Variants in FTO observed in about 807,000 individuals in gnomAD.
FTO encodes alpha-ketoglutarate-dependent dioxygenase FTO.
FTO carries 47 observed loss-of-function variants against 63.9 expected under a neutral mutation model. That is an observed-to-expected ratio of 0.74 (90% CI 0.58 to 0.94). FTO has a LOEUF of 0.94. FTO is among the 40% of genes least tolerant of loss of function. The pLI, the probability that FTO is intolerant of heterozygous loss-of-function variation, is 0.00. For missense variants in FTO, 562 were observed against 618.1 expected, an observed-to-expected ratio of 0.91 and a Z score of 0.96; for synonymous variants, 207 against 224.4, an observed-to-expected ratio of 0.92 and a Z score of 0.69.
intron 8 of FTO, among the ~76,000 whole-genome samples, chr16:53,972,215 A>G (rs2083339405): frequency 6.6e-6 from 1 of 152,076 alleles, no homozygotes; most frequent in Admixed American, 6.6e-5. Context: ...CCTGTTAGAC[A>G]ATATTATTAT....
intron 8 of FTO, among the ~76,000 whole-genome samples, chr16:54,013,187 C>T (rs953351545): frequency 5.9e-5 from 9 of 152,122 alleles, no homozygotes; most frequent in East Asian, 3.9e-4. Flanking sequence ...CCAACCCTCA[C>T]GGATGACTTT....
Position 53,940,980 on chromosome 16 carries a change from A to C in FTO, c.1364+6871A>C, listed in dbSNP as rs1375722475. ...CTGGTTGTTGGAACCTAGAATGTGT[A>C]ATGAATAGGATTTACTATTCCAAGT... On this transcript the variant is annotated intron_variant, in intron 8 of 8. Transcript: ENST00000471389. Among the ~76,000 whole-genome samples the C allele has an allele frequency of 2.0e-5, 3 of 152,204 alleles. No homozygotes were observed. The East Asian group carries it at 5.8e-4, about 29-fold the overall frequency.
At chr16:53,763,853 G>A (rs1169950068) in intron 1 of FTO, among the ~76,000 whole-genome samples, 1 of 152,172 alleles carries the variant, frequency 6.6e-6, no homozygotes, top group African/African-American at 2.4e-5. Flanking sequence ...ATTTGTGAAA[G>A]GGTGTACCCA....
At chr16:53,713,957 T>G (rs1304713065) in intron 1 of FTO, among the ~76,000 whole-genome samples, 2 of 152,206 alleles carry the variant, frequency 1.3e-5, no homozygotes, top group Admixed American at 1.3e-4. Flanking sequence ...CATTTTTGTT[T>G]TTGCTATAAG....
intron 5 of FTO, among the ~76,000 whole-genome samples, chr16:53,878,806 A>G (rs1391232179): frequency 1.3e-5 from 2 of 152,168 alleles, no homozygotes; most frequent in Non-Finnish European, 2.9e-5. Flanking sequence ...GCTCCCACGG[A>G]CTCAGAGAGG....
At chr16:53,973,950 T>C (rs1421472071) in intron 8 of FTO, among the ~76,000 whole-genome samples, 1 of 152,180 alleles carries the variant, frequency 6.6e-6, no homozygotes. Flanking sequence ...AATGATAAGC[T>C]CTAGCCAATG....
intron 8 of FTO, among the ~76,000 whole-genome samples, chr16:54,066,921 T>G (rs2085745733): frequency 6.6e-6 from 1 of 152,238 alleles, no homozygotes; most frequent in Non-Finnish European, 1.5e-5. Context: ...TTTGCAAAGG[T>G]CAGGCTTTAA....
intron 8 of FTO, among the ~76,000 whole-genome samples, chr16:53,979,041 G>T (rs942135782): frequency 6.6e-6 from 1 of 151,838 alleles, no homozygotes; most frequent in Admixed American, 6.6e-5. Context: ...CCACCCAGAA[G>T]GTTAACATTT....
rs559953505 is a variant in FTO, at chr16:53,719,111, G to A, written c.45+14882G>A. On this transcript the variant is annotated intron_variant, in intron 1 of 8. Transcript: ENST00000471389. ...TTTGTGCTTTCTTTTGTCAAATTTG[G>A]TATCGTATTATGCTAGTATCATAAA... Among the ~76,000 whole-genome samples, 1,016 of 152,198 alleles carry A rather than the reference G, an allele frequency of 6.7e-3. 4 individuals are homozygous for A. The highest frequency in any genetic ancestry group is 0.031 in the Middle Eastern group (9 of 294).
chr16:54,004,223 C>G (rs759397728), intron 8 of FTO, among the ~76,000 whole-genome samples: 3 of 151,780 alleles, frequency 2.0e-5, no homozygotes, highest in African/African-American at 7.3e-5. Flanking sequence ...GGGAAAAGAC[C>G]GTATTATGAA....
intron 8 of FTO, among the ~76,000 whole-genome samples, chr16:54,068,514 C>T (rs562403124): frequency 6.6e-6 from 1 of 152,094 alleles, no homozygotes; most frequent in Non-Finnish European, 1.5e-5. Flanking sequence ...TTCACATGTC[C>T]CCATGGCTGA....
rs376526280 is a variant in FTO at position 53,933,495 on chromosome 16, T to C, written c.1240-490T>C. Among the ~76,000 whole-genome samples, 116 of 152,154 alleles carry C rather than the reference T, an allele frequency of 7.6e-4. 1 individual carries two copies. Among genetic ancestry groups the C allele is most frequent in the African/African-American group, 2.5e-3 (104 of 41,492 alleles). ...AAAATGAGTGAATCTTCCCCCTTCT[T>C]CCCCCACAAAACATTGCTGGCATGG... On this transcript the variant is annotated intron_variant, in intron 7 of 8. Coordinates refer to ENST00000471389, the MANE Select transcript of FTO (RefSeq NM_001080432.3).
chr16:53,903,946 T>G (rs919651965), intron 7 of FTO, among the ~76,000 whole-genome samples: 9 of 151,860 alleles, frequency 5.9e-5, no homozygotes, highest in African/African-American at 2.2e-4. Flanking sequence ...ACTATCTATA[T>G]GTATGTATGT....
chr16:53,961,052 C>T (rs1445710549), intron 8 of FTO, among the ~76,000 whole-genome samples: 4 of 152,132 alleles, frequency 2.6e-5, no homozygotes, highest in Non-Finnish European at 1.5e-5. Flanking sequence ...TTCACCCCAC[C>T]TTTCTTCTGC....
chr16:53,784,990 G>C (rs548484749), intron 1 of FTO, among the ~76,000 whole-genome samples: 73 of 152,152 alleles, frequency 4.8e-4, no homozygotes, highest in African/African-American at 1.7e-3. Context: ...TTTTCTTAGA[G>C]GAGTGGCAAA....
At chr16:53,982,340 GAGACTT>G (rs1379604143) in intron 8 of FTO, among the ~76,000 whole-genome samples, 5 of 152,176 alleles carry the variant, frequency 3.3e-5, no homozygotes, top group Non-Finnish European at 7.4e-5. Context: ...CACTTTATGT[GAGACTT>G]AGATTTTCTT....
intron 8 of FTO, among the ~76,000 whole-genome samples, chr16:53,989,094 G>A (rs1280731516): frequency 6.6e-6 from 1 of 152,108 alleles, no homozygotes; most frequent in South Asian, 2.1e-4. Flanking sequence ...GATGACATGT[G>A]CACTAAGCTG....
intron 8 of FTO, among the ~76,000 whole-genome samples, chr16:54,097,547 T>C (rs1356036946): frequency 1.3e-5 from 2 of 152,182 alleles, no homozygotes; most frequent in Admixed American, 6.5e-5. Flanking sequence ...ACTTGCTGTG[T>C]AGCAGGGAAA....
intron 3 of FTO, among the ~76,000 whole-genome samples, chr16:53,839,358 A>G (rs1425121423): frequency 6.6e-6 from 1 of 152,174 alleles, no homozygotes; most frequent in East Asian, 1.9e-4. Context: ...GGCAAGAGTA[A>G]TCAGTTACAG....
Sources: gnomAD v4.1 joint callset for allele counts (sites outside exome capture counted in the v4.1 genomes callset) on GRCh38, gnomAD v4.1.1 for gene constraint, MANE v1.5 for transcripts, NCBI Gene and HGNC (gene_info 2026-07-23, HGNC 2026-07-21) for gene names.